The following CCN1 variants were observed in gnomAD, a reference collection of about 807,000 sequenced individuals.
CCN1 encodes the protein CCN family member 1.
Under a neutral mutation model 38.1 loss-of-function variants are expected in CCN1, and 12 were observed. The observed-to-expected ratio is 0.31, with a 90% confidence interval of 0.20 to 0.51. CCN1 has a LOEUF of 0.51. Among genes scored for constraint, CCN1 ranks in the 20% least tolerant of loss-of-function variants. The pLI, the probability that CCN1 is intolerant of heterozygous loss-of-function variation, is 0.97. For synonymous variants in CCN1, 202 were observed against 196.1 expected, an observed-to-expected ratio of 1.03 and a Z score of -0.25; for missense variants, 466 against 490.9, an observed-to-expected ratio of 0.95 and a Z score of 0.48.
In CCN1 at chr1:85,581,562, G is replaced by A. The variant is rs749989161; in HGVS notation, c.261G>A (p.Leu87=). The part of the protein sequence containing the change: ...ECNFGASSTA[L]KGICRAQSEG... Reference sequence around the variant, plus strand: ...ACTTCGGCGCCAGCTCCACCGCTCTGAAGGGGATCTGCAGAGGTAAGATGC... The same window carrying A: ...ACTTCGGCGCCAGCTCCACCGCTCTAAAGGGGATCTGCAGAGGTAAGATGC... The change falls in exon 2 of 5, where the codon CTG becomes CTA. Residue 87 remains leucine, a synonymous_variant. Coordinates refer to ENST00000451137, the MANE Select transcript of CCN1 (RefSeq NM_001554.5). The A allele has an allele frequency of 6.2e-7, 1 of 1,613,964 alleles. No individual in the cohort carries two copies. The highest frequency in any genetic ancestry group is 1.7e-5 in the Admixed American group (1 of 60,026).
In CCN1 at chr1:85,580,965, G is replaced by C; in HGVS notation, c.-20G>C. On this transcript the variant is annotated 5_prime_UTR_variant, in exon 1 of 5. Transcript: ENST00000451137. ...CGTCTTCGTCGCCGCGCTCGCCCCG[G>C]GCTACTCCTGCGCGCCACAATGAGC... 6.3e-7 allele frequency: 1 copy of C among 1,587,044 alleles called. No homozygotes were observed. The highest frequency in any genetic ancestry group is 1.8e-5 in the Admixed American group (1 of 56,844).
In CCN1 at chr1:85,581,947, C is replaced by G; in HGVS notation, c.297C>G (p.Pro99=). Reference sequence around the variant, plus strand: ...TTGCAGCTCAGTCAGAGGGCAGACCCTGTGAATATAACTCCAGAATCTACC... The same window carrying G: ...TTGCAGCTCAGTCAGAGGGCAGACCGTGTGAATATAACTCCAGAATCTACC... ...GICRAQSEGR[P]CEYNSRIYQN... is the part of the protein sequence containing the mutation. Residue 99 remains proline, a synonymous_variant, in exon 3 of 5, where the codon CCC becomes CCG. Coordinates refer to ENST00000451137, the MANE Select transcript of CCN1 (RefSeq NM_001554.5). 1 of 1,614,192 alleles carries G rather than the reference C, an allele frequency of 6.2e-7. No individual in the cohort carries two copies. Among genetic ancestry groups the G allele is most frequent in the Non-Finnish European group, 8.5e-7 (1 of 1,180,018 alleles).
chr1:85,581,641 G>C (rs868688488), intron 2 of CCN1, 63 bp downstream of exon 2: 48 of 1,539,224 alleles, frequency 3.1e-5, no homozygotes, highest in Admixed American at 3.7e-5. Flanking sequence ...CAGAAGTTTA[G>C]TAATTCTGAG....
At position 85,580,909 on chromosome 1, in the gene CCN1, ACGGCCTGT is replaced by A. The variant is rs1201140727; in HGVS notation, c.-74_-67del. On this transcript the variant is annotated 5_prime_UTR_variant, in exon 1 of 5. Transcript: ENST00000451137. ...CGCCGCCACCCCGACCCCGCTGCGCACGGCCTGTCCGCTGCACACCAGCTTGTTGGCGT... is the reference window on the plus strand; with the variant it reads ...CGCCGCCACCCCGACCCCGCTGCGCACCGCTGCACACCAGCTTGTTGGCGT... 7.3e-7 allele frequency: 1 copy of A among 1,370,558 alleles called. No homozygotes were observed. Among genetic ancestry groups the A allele is most frequent in the African/African-American group, 1.5e-5 (1 of 65,646 alleles). 84.9% of individuals were successfully genotyped at this position (1,370,558 alleles called of 1,614,324 possible).
Position 85,581,444 on chromosome 1 carries a change from A to G in CCN1, c.143A>G (p.Asp48Gly), listed in dbSNP as rs1435644895. ...KCAPGVGLVRDGCGCCKVCAK... is the reference protein window; with the variant it reads ...KCAPGVGLVRGGCGCCKVCAK... ...GCGCCGGGAGTCGGGCTGGTCCGGG[A>G]CGGCTGCGGCTGCTGTAAGGTCTGC... Residue 48 changes from aspartate to glycine, a missense_variant, in exon 2 of 5, where the codon GAC (aspartate) becomes GGC (glycine). By Grantham distance (94) the Asp-to-Gly change is moderately conservative. Transcript: ENST00000451137. 1.9e-6 allele frequency: 3 copies of G among 1,610,416 alleles called. No individual in the cohort carries two copies. Among genetic ancestry groups the G allele is most frequent in the East Asian group, 2.2e-5 (1 of 44,776 alleles).
chr1:85,581,502 G>T lies in CCN1; in HGVS notation c.201G>T (p.Thr67=). 2 of 1,613,760 alleles carry T rather than the reference G, an allele frequency of 1.2e-6. No homozygotes were observed. The highest frequency in any genetic ancestry group is 1.7e-6 in the Non-Finnish European group (2 of 1,179,984). Residue 67 remains threonine, a synonymous_variant, in exon 2 of 5, where the codon ACG becomes ACT. Transcript: ENST00000451137. ...AKQLNEDCSK[T]QPCDHTKGLE... ...AGCTCAACGAGGACTGCAGCAAAAC[G>T]CAGCCCTGCGACCACACCAAGGGGC...
In CCN1 at chr1:85,582,858, G is replaced by T. The variant is rs765253535; in HGVS notation, c.962G>T (p.Arg321Leu). ...TACTGCGGTTCCTGCGTGGACGGCC[G>T]ATGCTGCACGCCCCAGCTGACCAGG... ...PKYCGSCVDG[R>L]CCTPQLTRTV... Residue 321 changes from arginine (R) to leucine (L), a missense_variant, in exon 5 of 5, where the codon CGA (arginine) becomes CTA (leucine). Coordinates refer to ENST00000451137, the MANE Select transcript of CCN1 (RefSeq NM_001554.5). 3.2e-5 allele frequency: 51 copies of T among 1,614,058 alleles called. No homozygotes were observed. Among genetic ancestry groups the T allele is most frequent in the Non-Finnish European group, 4.3e-5 (51 of 1,180,048 alleles).
In CCN1 at chr1:85,581,517, C is replaced by T. The variant is rs1373949179; in HGVS notation, c.216C>T (p.His72=). ...EDCSKTQPCD[H]TKGLECNFGA... is the part of the protein sequence containing the mutation. Reference sequence around the variant, plus strand: ...GCAGCAAAACGCAGCCCTGCGACCACACCAAGGGGCTGGAATGCAACTTCG... The same window carrying T: ...GCAGCAAAACGCAGCCCTGCGACCATACCAAGGGGCTGGAATGCAACTTCG... Residue 72 remains histidine, a synonymous_variant, in exon 2 of 5, where the codon CAC becomes CAT. Transcript: ENST00000451137. 2.5e-6 allele frequency: 4 copies of T among 1,613,850 alleles called. No individual in the cohort carries two copies. The highest frequency in any genetic ancestry group is 2.2e-5 in the East Asian group (1 of 44,894).
rs758131582 is a variant in CCN1, at chr1:85,582,787, G to C, written c.891G>C (p.Arg297Ser). ...CCAAGAAATCCCCCGAACCAGTCAG[G>C]TTTACTTACGCTGGATGTTTGAGTG... The part of the protein sequence containing the change: ...SKTKKSPEPV[R>S]FTYAGCLSVK... Residue 297 changes from arginine (R) to serine (S), a missense_variant, in exon 5 of 5, where the codon AGG becomes AGC. Physicochemically the swap from Arg to Ser is moderately radical, Grantham distance 110 (BLOSUM62 -1). This residue lies in a region of CCN1 where 309 missense variants were observed against 319.9 expected (regional missense o/e 0.97). Transcript: ENST00000451137. 9.3e-6 allele frequency: 15 copies of C among 1,614,078 alleles called. No homozygotes were observed. The East Asian group carries it at 3.3e-4, about 36-fold the overall frequency.
At position 85,581,455 on chromosome 1, in the gene CCN1, T is replaced by C. The variant is rs1570694595; in HGVS notation, c.154T>C (p.Cys52Arg). The part of the protein sequence containing the change: ...GVGLVRDGCG[C>R]CKVCAKQLNE... The stretch of plus-strand genomic sequence containing the variant: ...CGGGCTGGTCCGGGACGGCTGCGGC[T>C]GCTGTAAGGTCTGCGCCAAGCAGCT... Residue 52 changes from cysteine to arginine, a missense_variant, in exon 2 of 5, where the codon TGC becomes CGC. Cys to Arg is a radical substitution (Grantham distance 180). This residue lies in a region of CCN1 where 146 missense variants were observed against 141.1 expected (regional missense o/e 1.03). Transcript: ENST00000451137. 6.2e-7 allele frequency: 1 copy of C among 1,611,662 alleles called. No homozygotes were observed. The highest frequency in any genetic ancestry group is 8.5e-7 in the Non-Finnish European group (1 of 1,179,410).
At chr1:85,582,325 C>T in intron 3 of CCN1, 41 bp downstream of exon 3, 1 of 1,613,242 alleles carries the variant, frequency 6.2e-7, no homozygotes, top group Non-Finnish European at 8.5e-7. Flanking sequence ...TACTGAGATG[C>T]ATTTCTGGTC....
In CCN1 at chr1:85,583,078, C is replaced by A; in HGVS notation, c.*36C>A. 6.3e-7 allele frequency: 1 copy of A among 1,580,544 alleles called. No homozygotes were observed. Among genetic ancestry groups the A allele is most frequent in the Non-Finnish European group, 8.6e-7 (1 of 1,156,520 alleles). Reference sequence around the variant, plus strand: ...GGTTTCCAGGGCACACCTAGACAAACAAGGGAGAAGAGTGTCAGAATCAGA... The same window carrying A: ...GGTTTCCAGGGCACACCTAGACAAAAAAGGGAGAAGAGTGTCAGAATCAGA... On this transcript the variant is annotated 3_prime_UTR_variant, in exon 5 of 5. Transcript: ENST00000451137.
rs1459242361 is a variant in CCN1 at position 85,583,022 on chromosome 1, A to T, written c.1126A>T (p.Ile376Phe). Residue 376 changes from isoleucine to phenylalanine, a missense_variant, in exon 5 of 5, where the codon ATT (isoleucine) becomes TTT (phenylalanine). Physicochemically the swap from Ile to Phe is conservative, Grantham distance 21. Around this residue, in one of 3 missense-constraint regions of CCN1, gnomAD observed 309 missense variants for 319.9 expected, o/e 0.97. Transcript: ENST00000451137. ...TCCCTTCTACAGGCTGTTCAATGAC[A>T]TTCACAAATTTAGGGACTAAATGCT... The part of the protein sequence containing the change: ...AFPFYRLFND[I>F]HKFRD 6.2e-7 allele frequency: 1 copy of T among 1,610,214 alleles called. No individual in the cohort carries two copies. Among genetic ancestry groups the T allele is most frequent in the Non-Finnish European group, 8.5e-7 (1 of 1,176,558 alleles).
rs374414176 is a variant in CCN1 at position 85,581,483 on chromosome 1, A to G, written c.182A>G (p.Asn61Ser). 1.2e-5 allele frequency: 19 copies of G among 1,613,384 alleles called. No individual in the cohort carries two copies. The highest frequency in any genetic ancestry group is 4.5e-5 in the East Asian group (2 of 44,894). Residue 61 changes from asparagine (N) to serine (S), a missense_variant, in exon 2 of 5, where the codon AAC (asparagine) becomes AGC (serine). This residue lies in a region of CCN1 where 146 missense variants were observed against 141.1 expected (regional missense o/e 1.03). Transcript: ENST00000451137. ...GCCKVCAKQLNEDCSKTQPCD... is the reference protein window; with the variant it reads ...GCCKVCAKQLSEDCSKTQPCD... Reference sequence around the variant, plus strand: ...TGTAAGGTCTGCGCCAAGCAGCTCAACGAGGACTGCAGCAAAACGCAGCCC... The same window carrying G: ...TGTAAGGTCTGCGCCAAGCAGCTCAGCGAGGACTGCAGCAAAACGCAGCCC...
rs543281888 is a variant in CCN1 at position 85,580,952 on chromosome 1, C to T, written c.-33C>T. 3.2e-6 allele frequency: 5 copies of T among 1,546,970 alleles called. No individual in the cohort carries two copies. Among genetic ancestry groups the T allele is most frequent in the African/African-American group, 1.4e-5 (1 of 70,800 alleles). Reference sequence around the variant, plus strand: ...ACCAGCTTGTTGGCGTCTTCGTCGCCGCGCTCGCCCCGGGCTACTCCTGCG... The same window carrying T: ...ACCAGCTTGTTGGCGTCTTCGTCGCTGCGCTCGCCCCGGGCTACTCCTGCG... On this transcript the variant is annotated 5_prime_UTR_variant, in exon 1 of 5. Transcript: ENST00000451137.
At position 85,581,513 on chromosome 1, in the gene CCN1, A is replaced by G. The variant is rs765306827; in HGVS notation, c.212A>G (p.Asp71Gly). The G allele has an allele frequency of 1.2e-6, 2 of 1,613,894 alleles. No individual in the cohort carries two copies. Among genetic ancestry groups the G allele is most frequent in the Non-Finnish European group, 1.7e-6 (2 of 1,180,022 alleles). ...NEDCSKTQPC[D>G]HTKGLECNFG... ...GACTGCAGCAAAACGCAGCCCTGCG[A>G]CCACACCAAGGGGCTGGAATGCAAC... Residue 71 changes from aspartate (D) to glycine (G), a missense_variant, in exon 2 of 5, where the codon GAC becomes GGC. Physicochemically the swap from Asp to Gly is moderately conservative, Grantham distance 94. Transcript: ENST00000451137.
rs1204028677 is a variant in CCN1, at chr1:85,581,393, A to G, written c.92A>G (p.His31Arg). ...LALSTCPAACHCPLEAPKCAP... is the reference protein window; with the variant it reads ...LALSTCPAACRCPLEAPKCAP... ...CTCTCCACCTGCCCCGCTGCCTGCC[A>G]CTGCCCCCTGGAGGCGCCCAAGTGC... Residue 31 changes from histidine to arginine, a missense_variant, in exon 2 of 5, where the codon CAC (histidine) becomes CGC (arginine). This residue lies in a region of CCN1 where 146 missense variants were observed against 141.1 expected (regional missense o/e 1.03). Coordinates refer to ENST00000451137, the MANE Select transcript of CCN1 (RefSeq NM_001554.5). 6.2e-7 allele frequency: 1 copy of G among 1,601,730 alleles called. No individual in the cohort carries two copies. Among genetic ancestry groups the G allele is most frequent in the Admixed American group, 1.7e-5 (1 of 58,990 alleles).
intron 2 of CCN1, 27 bp downstream of exon 2, chr1:85,581,605 T>A: frequency 6.3e-7 from 1 of 1,594,738 alleles, no homozygotes; most frequent in Non-Finnish European, 8.6e-7. Context: ...TTGGCCCCTT[T>A]AAAAAAAATA....
Position 85,581,470 on chromosome 1 carries a change from G to A in CCN1, c.169G>A (p.Ala57Thr), listed in dbSNP as rs1350217838. The change falls in exon 2 of 5, where the codon GCC becomes ACC. Residue 57 changes from alanine to threonine, a missense_variant. Physicochemically the swap from Ala to Thr is moderately conservative, Grantham distance 58 (BLOSUM62 0). Transcript: ENST00000451137. ...CGGCTGCGGCTGCTGTAAGGTCTGC[G>A]CCAAGCAGCTCAACGAGGACTGCAG... ...RDGCGCCKVCAKQLNEDCSKT... is the reference protein window; with the variant it reads ...RDGCGCCKVCTKQLNEDCSKT... The A allele has an allele frequency of 6.2e-7, 1 of 1,612,640 alleles. No individual in the cohort carries two copies. The highest frequency in any genetic ancestry group is 8.5e-7 in the Non-Finnish European group (1 of 1,179,734).
Sources: gnomAD v4.1 joint callset for allele counts on GRCh38, gnomAD v4.1.1 for gene constraint, gnomAD v4.1.1 regional missense constraint, MANE v1.5 for transcripts, NCBI Gene and HGNC (gene_info 2026-07-23, HGNC 2026-07-21) for gene names.